Variants in ARSG observed in about 807,000 individuals in gnomAD.
ARSG encodes ASG.
ARSG carries 37 observed loss-of-function variants against 50.5 expected under a neutral mutation model. That is an observed-to-expected ratio of 0.73 (90% CI 0.56 to 0.96). The LOEUF is 0.96. Ranked by LOEUF, ARSG falls within the 50% of genes least tolerant of loss-of-function variation. ARSG has a pLI of 0.00. For missense variants in ARSG, 629 were observed against 675.3 expected (o/e 0.93, Z 0.76); for synonymous variants, 225 against 254.6 (o/e 0.88, Z 1.11).
intron 9 of ARSG, among the ~76,000 whole-genome samples, chr17:68,390,965 G>C (rs2080965976): frequency 1.3e-5 from 2 of 150,574 alleles, no homozygotes; most frequent in South Asian, 4.2e-4. Context: ...ACCCACGAAG[G>C]CAGAAGTGCC....
In ARSG at chr17:68,370,484, C is replaced by T. The variant is rs764483179; in HGVS notation, c.942C>T (p.Gly314=). ...GGGCTCAGAAGTGTGAGCTAGCGGG[C>T]AGTGTGGGTCCCTTCACTGGATTTT... The part of the protein sequence containing the change: ...GPWAQKCELA[G]SVGPFTGFWQ... The change falls in exon 8 of 12, where the codon GGC becomes GGT. Residue 314 remains glycine, a synonymous_variant. Coordinates refer to ENST00000621439, the MANE Select transcript of ARSG (RefSeq NM_001267727.2). The T allele has an allele frequency of 3.7e-6, 6 of 1,614,030 alleles. No individual in the cohort carries two copies. In the Admixed American group the frequency reaches 1.0e-4, roughly 27 times the overall value.
intron 2 of ARSG, among the ~76,000 whole-genome samples, chr17:68,343,217 C>T (rs1170607563): frequency 4.6e-5 from 7 of 152,032 alleles, no homozygotes; most frequent in African/African-American, 1.7e-4. Flanking sequence ...AGTGCGGTGG[C>T]GTGCTCTTGG....
chr17:68,290,193 G>C (rs2075938835), upstream of ARSG, among the ~76,000 whole-genome samples: 1 of 152,170 alleles, frequency 6.6e-6, no homozygotes, highest in Non-Finnish European at 1.5e-5. Context: ...CCGGCTTCCA[G>C]GTTGACAAGT....
At chr17:68,417,626 C>T (rs2082455241) in intron 11 of ARSG, among the ~76,000 whole-genome samples, 1 of 149,558 alleles carries the variant, frequency 6.7e-6, no homozygotes, top group Admixed American at 6.7e-5. Context: ...GGTTTCTGCT[C>T]TGTTAAGTTG....
At chr17:68,331,458 A>G (rs1433919023) in intron 2 of ARSG, among the ~76,000 whole-genome samples, 2 of 152,018 alleles carry the variant, frequency 1.3e-5, no homozygotes, top group Non-Finnish European at 2.9e-5. Flanking sequence ...GTTAGCCAGG[A>G]TGGTCTTGAT....
At chr17:68,339,163 C>T (rs2078158048) in intron 2 of ARSG, among the ~76,000 whole-genome samples, 1 of 152,014 alleles carries the variant, frequency 6.6e-6, no homozygotes, top group Non-Finnish European at 1.5e-5. Context: ...GTGGCGCGTG[C>T]CTGTAGTCCC....
At chr17:68,278,630 T>C (rs1300759409) in intron 1 of ARSG, among the ~76,000 whole-genome samples, 4 of 148,234 alleles carry the variant, frequency 2.7e-5, no homozygotes, top group African/African-American at 9.9e-5. Context: ...TTTTTTTTTT[T>C]TTTTTTTGAG....
chr17:68,326,407 C>T (rs1197285985), intron 2 of ARSG, among the ~76,000 whole-genome samples: 1 of 152,220 alleles, frequency 6.6e-6, no homozygotes, highest in Non-Finnish European at 1.5e-5. Context: ...TGGCTCACAC[C>T]TGTAATTCCA....
rs572313504 is a variant in ARSG at position 68,415,237 on chromosome 17, T to C, written c.1304-4952T>C. On this transcript the variant is annotated intron_variant, in intron 11 of 11. Coordinates refer to ENST00000621439, the MANE Select transcript of ARSG (RefSeq NM_001267727.2). ...ATAGGTTGTGTCACTATTATTCAGT[T>C]TGAAGAACTTTTAAATTTCCATCTT... 5.9e-5 allele frequency among the ~76,000 whole-genome samples: 9 copies of C among 152,312 alleles called. 1 individual carries two copies. Among genetic ancestry groups the C allele is most frequent in the African/African-American group, 2.2e-4 (9 of 41,576 alleles).
At chr17:68,398,453 G>A (rs2081344268) in intron 10 of ARSG, among the ~76,000 whole-genome samples, 1 of 152,178 alleles carries the variant, frequency 6.6e-6, no homozygotes, top group African/African-American at 2.4e-5. Context: ...AGATGCATAT[G>A]TCTGTAACAT....
At chr17:68,314,636 G>T (rs1241897152) in intron 2 of ARSG, among the ~76,000 whole-genome samples, 4 of 151,992 alleles carry the variant, frequency 2.6e-5, no homozygotes, top group Non-Finnish European at 5.9e-5. Flanking sequence ...AATGCCAGGA[G>T]TTCAAGGCTG....
chr17:68,273,864 T>C, intron 1 of ARSG: 1 of 1,562,246 alleles, frequency 6.4e-7, no homozygotes, highest in African/African-American at 1.4e-5. Context: ...ATTTCCTCCT[T>C]CCCCTTCCTT....
At position 68,382,166 on chromosome 17, in the gene ARSG, C is replaced by T. The variant is rs144885628; in HGVS notation, c.983-2898C>T. Among the ~76,000 whole-genome samples the T allele has an allele frequency of 5.7e-3, 860 of 152,152 alleles. 11 individuals are homozygous for T. The highest frequency in any genetic ancestry group is 0.02 in the African/African-American group (838 of 41,512). On this transcript the variant is annotated intron_variant, in intron 8 of 11. Transcript: ENST00000621439. ...GGGTTTCACCATGTTAGGCTGGTCTCGAACTCCTGACCTCATGATCTGCCC... is the reference window on the plus strand; with the variant it reads ...GGGTTTCACCATGTTAGGCTGGTCTTGAACTCCTGACCTCATGATCTGCCC...
At chr17:68,308,867 CGGCGCTGCAGGT>C (rs1382792716) in intron 2 of ARSG, among the ~76,000 whole-genome samples, 1 of 152,264 alleles carries the variant, frequency 6.6e-6, no homozygotes, top group Non-Finnish European at 1.5e-5. Flanking sequence ...GATCCCGCAC[CGGCGCTGCAGGT>C]GGAGCTGCCT....
At chr17:68,334,835 A>G (rs2077942533) in intron 2 of ARSG, among the ~76,000 whole-genome samples, 1 of 152,120 alleles carries the variant, frequency 6.6e-6, no homozygotes, top group Non-Finnish European at 1.5e-5. Context: ...AGAAGCTGCC[A>G]GTCTTGTAAG....
intron 4 of ARSG, among the ~76,000 whole-genome samples, chr17:68,348,265 T>G (rs1399162533): frequency 1.3e-5 from 2 of 152,138 alleles, no homozygotes; most frequent in Non-Finnish European, 2.9e-5. Flanking sequence ...TCCTCCTTGG[T>G]CTTCAGTTTT....
At chr17:68,428,638 T>A in the ARSG span, 1 of 553,424 alleles carries the variant, frequency 1.8e-6, no homozygotes, top group Non-Finnish European at 3.3e-6. Flanking sequence ...CTTTTCCAGA[T>A]GATTACCACA....
chr17:68,373,065 GTTTGTTTTTT>G (rs1230179876), intron 8 of ARSG, among the ~76,000 whole-genome samples: 5 of 129,502 alleles, frequency 3.9e-5, no homozygotes, highest in Non-Finnish European at 6.7e-5. Context: ...CTAATTTTTT[GTTTGTTTTTT>G]TTTGTTTTTG....
Position 68,389,607 on chromosome 17 carries a change from C to A in ARSG, c.1091+4435C>A, listed in dbSNP as rs560037754. ...GCCTAGGGATGATCCCTACTGTTCC[C>A]TGTCCCTTCCTCTTCTTCAGAGGAA... is the stretch of plus-strand genomic sequence containing the variant. On this transcript the variant is annotated intron_variant, in intron 9 of 11. Transcript: ENST00000621439. Among the ~76,000 whole-genome samples the A allele has an allele frequency of 1.1e-3, 160 of 152,280 alleles. 1 individual carries two copies. Among genetic ancestry groups the A allele is most frequent in the African/African-American group, 3.7e-3 (154 of 41,558 alleles).
Sources: gnomAD v4.1 joint callset for allele counts (sites outside exome capture counted in the v4.1 genomes callset) on GRCh38, gnomAD v4.1.1 for gene constraint, MANE v1.5 for transcripts, NCBI Gene and HGNC (gene_info 2026-07-23, HGNC 2026-07-21) for gene names.